Variants in SDCCAG8 observed in about 807,000 individuals in gnomAD.
The protein encoded by SDCCAG8 is serologically defined colon cancer antigen 8.
SDCCAG8 carries 74 observed loss-of-function variants against 101.8 expected under a neutral mutation model. The observed-to-expected ratio is 0.73, with a 90% confidence interval of 0.60 to 0.88. SDCCAG8 has a LOEUF of 0.88. SDCCAG8 is among the 40% of genes least tolerant of loss of function. The probability of loss-of-function intolerance (pLI) is 0.00; values close to 1 mark genes in which losing one functional copy is unlikely to be tolerated. For missense variants in SDCCAG8, 787 were observed against 822.6 expected (o/e 0.96, Z 0.53); for synonymous variants, 281 against 292.9 (o/e 0.96, Z 0.41).
rs1016599479 is a variant in SDCCAG8, at chr1:243,408,973, A to T, written c.1617-6729A>T. ...GGAAGAAAGTTATTAGTCTATAGTC[A>T]CACAGGTGATAAGGTGGTAGATGCC... On this transcript the variant is annotated intron_variant, in intron 13 of 17. Coordinates refer to ENST00000366541, the MANE Select transcript of SDCCAG8 (RefSeq NM_006642.5). Among the ~76,000 whole-genome samples the T allele has an allele frequency of 3.3e-5, 5 of 152,312 alleles. No homozygotes were observed. In the South Asian group the frequency reaches 8.3e-4, roughly 25 times the overall value.
intron 9 of SDCCAG8, among the ~76,000 whole-genome samples, chr1:243,325,174 T>C (rs1438615813): frequency 6.6e-6 from 1 of 152,262 alleles, no homozygotes; most frequent in Non-Finnish European, 1.5e-5. Flanking sequence ...TAATTAACAA[T>C]AAATGTTTGT....
At chr1:243,274,682 A>G (rs1192327601) in intron 4 of SDCCAG8, 26 bp downstream of exon 4, 2 of 1,327,678 alleles carry the variant, frequency 1.5e-6, no homozygotes, top group East Asian at 2.3e-5. Context: ...AGAATTTAAA[A>G]CTAAATAAAT....
intron 4 of SDCCAG8, among the ~76,000 whole-genome samples, chr1:243,278,748 A>C (rs147673656): frequency 1.3e-5 from 2 of 152,008 alleles, no homozygotes; most frequent in African/African-American, 2.4e-5. Context: ...CCTTTCCAAT[A>C]TATTTAGATT....
chr1:243,466,540 GAC>G lies in SDCCAG8; in HGVS notation c.1986-22472_1986-22471del, dbSNP rs546391261. 2.6e-3 allele frequency among the ~76,000 whole-genome samples: 394 copies of G among 152,342 alleles called. 1 individual carries two copies. Among genetic ancestry groups the G allele is most frequent in the African/African-American group, 9.1e-3 (380 of 41,584 alleles). The stretch of plus-strand genomic sequence containing the variant: ...TAAACTTCTTCATCTGTAAAATTAT[GAC>G]AGTCGTGCTACCTGTGTCACAGTCT... On this transcript the variant is annotated intron_variant, in intron 16 of 17. Coordinates refer to ENST00000366541, the MANE Select transcript of SDCCAG8 (RefSeq NM_006642.5).
Position 243,362,393 on chromosome 1 carries a change from G to A in SDCCAG8, c.1474-16328G>A, listed in dbSNP as rs1271966400. Among the ~76,000 whole-genome samples the A allele has an allele frequency of 2.0e-5, 3 of 152,210 alleles. No homozygotes were observed. The South Asian group carries it at 6.2e-4, about 32-fold the overall frequency. On this transcript the variant is annotated intron_variant, in intron 12 of 17. Coordinates refer to ENST00000366541, the MANE Select transcript of SDCCAG8 (RefSeq NM_006642.5). ...AGTAACACAGTAACTGGATGGATAGGTAGGTGAAGAGATGGCCAAGTGACT... is the reference window on the plus strand; with the variant it reads ...AGTAACACAGTAACTGGATGGATAGATAGGTGAAGAGATGGCCAAGTGACT...
chr1:243,259,546 G>T (rs964064353), intron 1 of SDCCAG8, among the ~76,000 whole-genome samples: 10 of 152,020 alleles, frequency 6.6e-5, no homozygotes, highest in African/African-American at 2.4e-4. Context: ...GAGGTTGGGC[G>T]CGGTGGCTCA....
chr1:243,283,606 T>A (rs1304801769), intron 4 of SDCCAG8, among the ~76,000 whole-genome samples: 1 of 152,006 alleles, frequency 6.6e-6, no homozygotes, highest in African/African-American at 2.4e-5. Flanking sequence ...GCACTCTTCA[T>A]GTCTGTTAAT....
rs112662776 is a variant in SDCCAG8 at position 243,386,768 on chromosome 1, T to TGA, written c.1616+7926_1616+7927dup. Among the ~76,000 whole-genome samples the TGA allele has an allele frequency of 7.7e-3, 1,108 of 143,452 alleles. 7 individuals are homozygous for TGA. The highest frequency in any genetic ancestry group is 9.3e-3 in the Non-Finnish European group (602 of 64,642). 94.1% of individuals were successfully genotyped at this position (143,452 alleles called of 152,430 possible). A position where few individuals can be genotyped will look rare whatever the true frequency, so the allele number is the denominator to read the frequency against. On this transcript the variant is annotated intron_variant, in intron 13 of 17. Coordinates refer to ENST00000366541, the MANE Select transcript of SDCCAG8 (RefSeq NM_006642.5). ...ACTCCATCTCAAAAAAGAAAGAAAGTGAGAGAGAGAGAGAGAGAGAGAAAG... is the reference window on the plus strand; with the variant it reads ...ACTCCATCTCAAAAAAGAAAGAAAGTGAGAGAGAGAGAGAGAGAGAGAGAAAG...
chr1:243,485,043 CAA>C (rs59102358), intron 16 of SDCCAG8, among the ~76,000 whole-genome samples: 3 of 99,624 alleles, frequency 3.0e-5, no homozygotes, highest in African/African-American at 4.3e-5. Context: ...GACTCCATCT[CAA>C]AAAAAAAAAA....
chr1:243,329,546 G>T lies in SDCCAG8; in HGVS notation c.1069-994G>T, dbSNP rs77824625. Among the ~76,000 whole-genome samples the T allele has an allele frequency of 6.8e-3, 1,039 of 152,198 alleles. 13 individuals carry two copies. The highest frequency in any genetic ancestry group is 0.024 in the African/African-American group (1,002 of 41,532). On this transcript the variant is annotated intron_variant, in intron 9 of 17. Transcript: ENST00000366541. Reference sequence around the variant, plus strand: ...CAGCATGTAAGTCACATGAGACCTGGGGTTCTTTCTACCATTTCAGGGGAA... The same window carrying T: ...CAGCATGTAAGTCACATGAGACCTGTGGTTCTTTCTACCATTTCAGGGGAA...
rs374188208 is a variant in SDCCAG8, at chr1:243,487,268, C to T, written c.1986-1746C>T. ...CGCTCACTGTTCAGGACAGCCCGGG[C>T]CCCCCCCTGGGGCCTTGCAGGAGAG... On this transcript the variant is annotated intron_variant, in intron 16 of 17. Coordinates refer to ENST00000366541, the MANE Select transcript of SDCCAG8 (RefSeq NM_006642.5). Among the ~76,000 whole-genome samples, 720 of 151,606 alleles carry T rather than the reference C, an allele frequency of 4.7e-3. 8 individuals carry two copies. Among genetic ancestry groups the T allele is most frequent in the African/African-American group, 0.016 (642 of 41,222 alleles).
chr1:243,480,655 T>C (rs1376505585), intron 16 of SDCCAG8, among the ~76,000 whole-genome samples: 6 of 117,464 alleles, frequency 5.1e-5, no homozygotes, highest in Non-Finnish European at 3.4e-5. Context: ...GATGGATGGA[T>C]GGGTGGGATG....
chr1:243,398,586 TG>T (rs1344734295), intron 13 of SDCCAG8, among the ~76,000 whole-genome samples: 1 of 152,208 alleles, frequency 6.6e-6, no homozygotes, highest in Non-Finnish European at 1.5e-5. Flanking sequence ...TTGATTATAG[TG>T]TACTGATTTT....
At chr1:243,418,115 G>A in intron 15 of SDCCAG8, 39 bp downstream of exon 15, 1 of 1,366,492 alleles carries the variant, frequency 7.3e-7, no homozygotes, top group Non-Finnish European at 1.0e-6. Context: ...AGCACTGTTT[G>A]TGTGATTACT....
At chr1:243,364,229 G>C (rs1558358708) in intron 12 of SDCCAG8, among the ~76,000 whole-genome samples, 1 of 152,010 alleles carries the variant, frequency 6.6e-6, no homozygotes, top group East Asian at 1.9e-4. Context: ...AACAAAATAA[G>C]GTTAAATTGT....
intron 16 of SDCCAG8, among the ~76,000 whole-genome samples, chr1:243,428,332 A>T (rs1031153719): frequency 2.0e-5 from 3 of 152,238 alleles, no homozygotes; most frequent in Non-Finnish European, 4.4e-5. Flanking sequence ...ACATGCTGGA[A>T]TAAAATAGCA....
Position 243,270,090 on chromosome 1 carries a change from A to C in SDCCAG8, c.68-15A>C. 1 of 1,614,218 alleles carries C rather than the reference A, an allele frequency of 6.2e-7. No homozygotes were observed. Among genetic ancestry groups the C allele is most frequent in the Non-Finnish European group, 8.5e-7 (1 of 1,180,034 alleles). On this transcript the variant is annotated splice_polypyrimidine_tract_variant and intron_variant, in intron 1 of 17. Coordinates refer to ENST00000366541, the MANE Select transcript of SDCCAG8 (RefSeq NM_006642.5). ...GACTCCATGGGTCCTAACTTTCGTC[A>C]GGTTGTTCTTGCAGAACATGCCAGC...
At chr1:243,424,344 A>AT (rs768089605) in intron 15 of SDCCAG8, among the ~76,000 whole-genome samples, 2 of 151,928 alleles carry the variant, frequency 1.3e-5, no homozygotes, top group Non-Finnish European at 2.9e-5. Context: ...TTTTATTATG[A>AT]TTTTTTTCAA....
In SDCCAG8 at chr1:243,259,251, C is replaced by CA. The variant is rs577158874; in HGVS notation, c.67+3017dup. On this transcript the variant is annotated intron_variant, in intron 1 of 17. Coordinates refer to ENST00000366541, the MANE Select transcript of SDCCAG8 (RefSeq NM_006642.5). ...CCCGTCTGTACTAAAAAAAAAAATACAAAAAACTAGCCGGGCGTGGTGGCG... is the reference window on the plus strand; with the variant it reads ...CCCGTCTGTACTAAAAAAAAAAATACAAAAAAACTAGCCGGGCGTGGTGGCG... Among the ~76,000 whole-genome samples the CA allele has an allele frequency of 3.1e-3, 471 of 150,952 alleles. 1 individual carries two copies. Among genetic ancestry groups the CA allele is most frequent in the African/African-American group, 0.011 (447 of 41,158 alleles).
Sources: allele counts gnomAD v4.1 joint callset (sites outside exome capture counted in the v4.1 genomes callset), GRCh38; gene constraint gnomAD v4.1.1; transcripts MANE v1.5; gene names NCBI Gene and HGNC (gene_info 2026-07-23, HGNC 2026-07-21).